Variants in GPR19 observed in about 807,000 individuals in gnomAD.
The protein encoded by GPR19 is probable G protein-coupled receptor 19.
GPR19 carries 14 observed loss-of-function variants against 28.5 expected under a neutral mutation model. The ratio of observed to expected loss-of-function variants is 0.49; its 90% CI spans 0.32 to 0.77. GPR19 has a LOEUF of 0.77. Among genes scored for constraint, GPR19 ranks in the 30% least tolerant of loss-of-function variants. The probability of loss-of-function intolerance (pLI) is 0.03; values close to 1 mark genes in which losing one functional copy is unlikely to be tolerated. For synonymous variants in GPR19, 173 were observed against 184.1 expected (o/e 0.94, Z 0.49); for missense variants, 409 against 504.1 (o/e 0.81, Z 1.81).
the GPR19 span, among the ~76,000 whole-genome samples, chr12:12,705,057 A>G: frequency 1.2e-4 from 18 of 152,342 alleles, no homozygotes; most frequent in South Asian, 1.2e-3. Context: ...GTTTGGAGAA[A>G]AACACCATCA....
chr12:12,703,356 T>A, the GPR19 span: 1 of 984,310 alleles, frequency 1.0e-6, no homozygotes, highest in Non-Finnish European at 1.2e-6. Context: ...CCACAAGTAG[T>A]ATATGGAGTA....
chr12:12,665,314 C>A (rs924741309), intron 3 of GPR19, among the ~76,000 whole-genome samples: 22 of 152,102 alleles, frequency 1.4e-4, no homozygotes, highest in Non-Finnish European at 7.4e-5. Context: ...AGGCGGGGGG[C>A]CCTTCCATCA....
chr12:12,717,082 G>A, the GPR19 span: 15 of 1,009,796 alleles, frequency 1.5e-5, no homozygotes, highest in East Asian at 7.2e-5. Context: ...CTCAGGCCCC[G>A]CCCCAGGTTC....
At chr12:12,716,543 T>C in the GPR19 span, among the ~76,000 whole-genome samples, 10 of 151,952 alleles carry the variant, frequency 6.6e-5, no homozygotes, top group African/African-American at 2.4e-4. Context: ...TGTACCCTCG[T>C]TTTTCAAAAC....
intron 2 of GPR19, among the ~76,000 whole-genome samples, chr12:12,686,578 A>G (rs1946100736): frequency 6.6e-6 from 1 of 152,166 alleles, no homozygotes; most frequent in African/African-American, 2.4e-5. Context: ...GATGAGTACT[A>G]TTACTGGCAT....
chr12:12,675,090 C>T (rs893320909), intron 3 of GPR19, among the ~76,000 whole-genome samples: 5 of 152,122 alleles, frequency 3.3e-5, no homozygotes, highest in African/African-American at 1.2e-4. Flanking sequence ...GCCTTGGGTC[C>T]CAGCCGTGTT....
the GPR19 span, among the ~76,000 whole-genome samples, chr12:12,713,586 G>T: frequency 6.6e-6 from 1 of 152,032 alleles, no homozygotes; most frequent in Admixed American, 6.5e-5. Flanking sequence ...AGGCTGGTGT[G>T]CAGTGGCAAG....
At chr12:12,699,964 A>G (rs1946307659), upstream of GPR19, among the ~76,000 whole-genome samples, 1 of 141,878 alleles carries the variant, frequency 7.0e-6, no homozygotes, top group East Asian at 2.2e-4. Context: ...TATGAGCCAA[A>G]AAAAGCTTTC....
chr12:12,664,607 A>G (rs1050534818), intron 3 of GPR19, among the ~76,000 whole-genome samples: 1 of 152,162 alleles, frequency 6.6e-6, no homozygotes, highest in Non-Finnish European at 1.5e-5. Context: ...TGGTAAGAAT[A>G]GCAACCATAC....
At position 12,662,220 on chromosome 12, in the gene GPR19, A is replaced by G. The variant is rs534898591; in HGVS notation, c.229T>C (p.Leu77=). ...AGGGAATTGCCGAAGATAGAAAACA[A>G]CCACAGAATCCCAAAGAAGATGCTG... ...TASIFFGILW[L]FSIFGNSLVC... The change falls in exon 4 of 4, where the codon TTG becomes CTG. Residue 77 remains leucine, a synonymous_variant. Coordinates refer to ENST00000651487, the MANE Select transcript of GPR19 (RefSeq NM_006143.3). The G allele has an allele frequency of 4.3e-6, 7 of 1,614,214 alleles. No individual in the cohort carries two copies. The African/African-American group carries it at 9.3e-5, about 22-fold the overall frequency.
At chr12:12,687,328 C>G (rs921999418) in intron 2 of GPR19, among the ~76,000 whole-genome samples, 1 of 152,204 alleles carries the variant, frequency 6.6e-6, no homozygotes, top group African/African-American at 2.4e-5. Flanking sequence ...CTTAGCTTGT[C>G]ATCAACCAAA....
intron 3 of GPR19, among the ~76,000 whole-genome samples, chr12:12,679,428 C>CAAAAAAAA: frequency 8.1e-6 from 1 of 124,006 alleles, no homozygotes; most frequent in Non-Finnish European, 1.7e-5. Context: ...CTGTCTCTAT[C>CAAAAAAAA]AAAAAAAAAA....
chr12:12,698,689 T>A (rs1189154091), upstream of GPR19, among the ~76,000 whole-genome samples: 1 of 152,000 alleles, frequency 6.6e-6, no homozygotes, highest in African/African-American at 2.4e-5. Flanking sequence ...CGGCTCACTG[T>A]GACCTCCACC....
chr12:12,701,177 C>T (rs1294888741), upstream of GPR19, among the ~76,000 whole-genome samples: 2 of 152,174 alleles, frequency 1.3e-5, no homozygotes, highest in Non-Finnish European at 2.9e-5. Flanking sequence ...TTGTAAAAAA[C>T]TCTTGAAGCC....
intron 3 of GPR19, among the ~76,000 whole-genome samples, chr12:12,673,075 G>T (rs530301046): frequency 6.6e-6 from 1 of 152,300 alleles, no homozygotes; most frequent in Admixed American, 6.5e-5. Flanking sequence ...GCAGATGGCT[G>T]GTTAGCTGGT....
the GPR19 span, among the ~76,000 whole-genome samples, chr12:12,711,274 CA>C: frequency 7.7e-6 from 1 of 129,438 alleles, no homozygotes. Context: ...AGCCTGGCGA[CA>C]GAATGAGACT....
At chr12:12,706,439 C>T in the GPR19 span, among the ~76,000 whole-genome samples, 1 of 152,182 alleles carries the variant, frequency 6.6e-6, no homozygotes, top group Admixed American at 6.5e-5. Flanking sequence ...TACATCTAAA[C>T]CCACTCCCTT....
intron 3 of GPR19, among the ~76,000 whole-genome samples, chr12:12,665,308 G>C (rs977903582): frequency 6.6e-6 from 1 of 152,108 alleles, no homozygotes; most frequent in African/African-American, 2.4e-5. Context: ...GCCCGGAGGC[G>C]GGGGGCCCTT....
chr12:12,677,195 C>G (rs576362945), intron 3 of GPR19, among the ~76,000 whole-genome samples: 1 of 150,996 alleles, frequency 6.6e-6, no homozygotes, highest in South Asian at 2.1e-4. Context: ...GTTTATGAAG[C>G]AGATGTTAAT....
Sources: allele counts gnomAD v4.1 joint callset (sites outside exome capture counted in the v4.1 genomes callset), GRCh38; gene constraint gnomAD v4.1.1; transcripts MANE v1.5; gene names NCBI Gene and HGNC (gene_info 2026-07-23, HGNC 2026-07-21).